The following AKT3 variants were observed in gnomAD, a reference collection of about 807,000 sequenced individuals.
The protein encoded by AKT3 is AKT serine/threonine kinase 3, also known as RAC-gamma serine/threonine-protein kinase.
In AKT3, 15 loss-of-function variants were observed where a neutral mutation model predicts 65.3. That is an observed-to-expected ratio of 0.23 (90% CI 0.15 to 0.35). The LOEUF is 0.35. AKT3 is among the 10% of genes least tolerant of loss of function. The pLI is 1.00. For missense variants in AKT3, 243 were observed against 576.5 expected, an observed-to-expected ratio of 0.42 and a Z score of 5.92; for synonymous variants, 206 against 183.8, an observed-to-expected ratio of 1.12 and a Z score of -0.98.
At chr1:243,738,751 C>T (rs1329223521) in intron 2 of AKT3, among the ~76,000 whole-genome samples, 6 of 152,064 alleles carry the variant, frequency 3.9e-5, no homozygotes, top group Non-Finnish European at 4.4e-5. Flanking sequence ...AAATGCAAAA[C>T]TATGTAACTC....
At chr1:243,734,427 C>A (rs576845999) in intron 2 of AKT3, among the ~76,000 whole-genome samples, 20 of 152,244 alleles carry the variant, frequency 1.3e-4, no homozygotes, top group African/African-American at 4.8e-4. Flanking sequence ...CATAGAAACA[C>A]CTAGTTTTTA....
intron 9 of AKT3, among the ~76,000 whole-genome samples, chr1:243,570,537 C>T (rs954422457): frequency 6.6e-6 from 1 of 152,168 alleles, no homozygotes; most frequent in Non-Finnish European, 1.5e-5. Context: ...AGCTAGGATT[C>T]ATGAGTTCCA....
At chr1:243,652,614 T>C (rs1226937046) in intron 4 of AKT3, among the ~76,000 whole-genome samples, 1 of 151,792 alleles carries the variant, frequency 6.6e-6, no homozygotes, top group African/African-American at 2.4e-5. Flanking sequence ...TAAATGTAAA[T>C]GGGCTAAATG....
intron 1 of AKT3, 111 bp downstream of exon 1, chr1:243,849,929 C>T (rs1254654463): frequency 4.9e-6 from 4 of 813,100 alleles, no homozygotes; most frequent in Non-Finnish European, 5.9e-6. Context: ...CACCCCACCC[C>T]GCCGCCATCC....
intron 2 of AKT3, among the ~76,000 whole-genome samples, chr1:243,823,055 G>A (rs1166392268): frequency 6.6e-6 from 1 of 152,100 alleles, no homozygotes; most frequent in Admixed American, 6.6e-5. Flanking sequence ...AGTGAATCCA[G>A]CAGCACATCA....
At position 243,504,916 on chromosome 1, in the gene AKT3, A is replaced by G. The variant is rs1289743139; in HGVS notation, c.*333T>C. ...GAGGGAAAAACTAAAAGATCAAAAG[A>G]TGATAATTGGTGCACAAATGAACAA... is the stretch of plus-strand genomic sequence containing the variant. On this transcript the variant is annotated 3_prime_UTR_variant, in exon 14 of 14. Transcript: ENST00000673466. 1 of 287,818 alleles carries G rather than the reference A, an allele frequency of 3.5e-6. No homozygotes were observed. 17.8% of individuals were successfully genotyped at this position (287,818 alleles called of 1,614,324 possible).
intron 2 of AKT3, among the ~76,000 whole-genome samples, chr1:243,753,058 C>T (rs1427683893): frequency 6.6e-6 from 1 of 152,080 alleles, no homozygotes; most frequent in Non-Finnish European, 1.5e-5. Flanking sequence ...CATGTTATGC[C>T]ATTTTGATTT....
chr1:243,526,064 A>G (rs1032927846), intron 12 of AKT3, among the ~76,000 whole-genome samples: 5 of 151,566 alleles, frequency 3.3e-5, no homozygotes, highest in Non-Finnish European at 5.9e-5. Context: ...GTGTAAAGAG[A>G]TTACAGGTAA....
chr1:243,663,310 T>C (rs952142259), intron 4 of AKT3, among the ~76,000 whole-genome samples: 2 of 152,158 alleles, frequency 1.3e-5, no homozygotes, highest in Admixed American at 1.3e-4. Flanking sequence ...CATTTTAAGC[T>C]CAGATCTGAA....
intron 2 of AKT3, among the ~76,000 whole-genome samples, chr1:243,776,251 A>AT (rs948927446): frequency 2.0e-5 from 3 of 152,294 alleles, no homozygotes; most frequent in African/African-American, 7.2e-5. Context: ...TAAATAAGAC[A>AT]TTTTTTATGT....
At position 243,489,268 on chromosome 1, in the gene AKT3, C is replaced by T. The variant is rs553352379; in HGVS notation, c.*7-818G>A. On this transcript the variant is annotated intron_variant, in intron 13 of 13. Coordinates refer to the AKT3 transcript ENST00000336199. The stretch of plus-strand genomic sequence containing the variant: ...TTAGCAGTAAGCTGGGAGGGAGGTC[C>T]CGAAGACTGTGCTGGGCACAGTGCA... The T allele has an allele frequency of 2.0e-5, 26 of 1,277,746 alleles. No individual in the cohort carries two copies. In the Admixed American group the frequency reaches 3.6e-4, roughly 18 times the overall value. 79.2% of individuals were successfully genotyped at this position (1,277,746 alleles called of 1,614,324 possible).
chr1:243,506,263 G>A (rs960685554), intron 13 of AKT3, among the ~76,000 whole-genome samples: 4 of 152,228 alleles, frequency 2.6e-5, no homozygotes, highest in South Asian at 2.1e-4. Context: ...TAAATCCCCC[G>A]TGCTTGCCTC....
At chr1:243,515,185 T>G (rs1670272457) in intron 12 of AKT3, among the ~76,000 whole-genome samples, 1 of 152,234 alleles carries the variant, frequency 6.6e-6, no homozygotes, top group South Asian at 2.1e-4. Context: ...ATGGACACAC[T>G]CATCTGTCAA....
intron 12 of AKT3, among the ~76,000 whole-genome samples, chr1:243,544,007 C>T (rs1000243898): frequency 4.6e-5 from 7 of 152,018 alleles, no homozygotes; most frequent in African/African-American, 1.7e-4. Flanking sequence ...TAAGGCTTAA[C>T]AGAGAAGAAC....
At chr1:243,625,704 T>A in intron 6 of AKT3, among the ~76,000 whole-genome samples, 1 of 152,186 alleles carries the variant, frequency 6.6e-6, no homozygotes, top group East Asian at 1.9e-4. Flanking sequence ...TGAACTGGTA[T>A]TCATCGGGTT....
At chr1:243,499,591 CAAG>C, downstream of AKT3, 1 of 677,566 alleles carries the variant, frequency 1.5e-6, no homozygotes. Flanking sequence ...TTGATGTGGA[CAAG>C]ATGAGGCACA....
chr1:243,835,790 C>T (rs930284320), intron 2 of AKT3, among the ~76,000 whole-genome samples: 3 of 151,824 alleles, frequency 2.0e-5, no homozygotes, highest in Admixed American at 6.5e-5. Context: ...ATTCAATTAA[C>T]TCAAAAGAAG....
chr1:243,578,568 G>GCTGA (rs1675113265), intron 8 of AKT3, among the ~76,000 whole-genome samples: 1 of 152,106 alleles, frequency 6.6e-6, no homozygotes, highest in Non-Finnish European at 1.5e-5. Flanking sequence ...CAGGAAAAAT[G>GCTGA]GCTAATGCAT....
intron 2 of AKT3, among the ~76,000 whole-genome samples, chr1:243,729,299 T>G (rs550438482): frequency 3.3e-5 from 5 of 152,234 alleles, no homozygotes; most frequent in Middle Eastern, 3.4e-3. Flanking sequence ...CACCTTTATA[T>G]GCCGGTGTGA....
Sources: gnomAD v4.1 joint callset for allele counts (sites outside exome capture counted in the v4.1 genomes callset) on GRCh38, gnomAD v4.1.1 for gene constraint, MANE v1.5 for transcripts, NCBI Gene and HGNC (gene_info 2026-07-23, HGNC 2026-07-21) for gene names.